The following ATP6V1C2 variants were observed in gnomAD, a reference collection of about 807,000 sequenced individuals.
The protein encoded by ATP6V1C2 is ATPase H+ transporting V1 subunit C2.
A neutral mutation model predicts 56.8 loss-of-function variants in ATP6V1C2; 45 were observed. The observed-to-expected ratio is 0.79, with a 90% CI of 0.62 to 1.02. ATP6V1C2 has a LOEUF of 1.02. Among genes scored for constraint, ATP6V1C2 ranks in the 50% least tolerant of loss-of-function variants. The probability of loss-of-function intolerance (pLI) is 0.00; values close to 1 mark genes in which losing one functional copy is unlikely to be tolerated. For synonymous variants in ATP6V1C2, 220 were observed against 201.3 expected (o/e 1.09, Z -0.79); for missense variants, 463 against 519.7 (o/e 0.89, Z 1.06).
At chr2:10,766,584 T>A (rs1268894974) in intron 5 of ATP6V1C2, among the ~76,000 whole-genome samples, 3 of 152,090 alleles carry the variant, frequency 2.0e-5, no homozygotes, top group African/African-American at 7.2e-5. Flanking sequence ...TTTTTTTTCG[T>A]TTTTTTGTTT....
chr2:10,723,922 C>T (rs555994529), intron 2 of ATP6V1C2, among the ~76,000 whole-genome samples: 1 of 151,418 alleles, frequency 6.6e-6, no homozygotes, highest in Non-Finnish European at 1.5e-5. Flanking sequence ...CCACCATGCC[C>T]GGCTAATTTT....
chr2:10,781,856 A>C (rs928340851), intron 12 of ATP6V1C2, among the ~76,000 whole-genome samples: 2 of 152,242 alleles, frequency 1.3e-5, no homozygotes, highest in Admixed American at 6.5e-5. Context: ...AAATAGTAAC[A>C]ATCTTGATAA....
intron 1 of ATP6V1C2, among the ~76,000 whole-genome samples, chr2:10,722,607 A>T (rs1305044750): frequency 6.6e-6 from 1 of 152,064 alleles, no homozygotes; most frequent in African/African-American, 2.4e-5. Context: ...GCTCCTGAAA[A>T]CCAGCCAGAA....
At chr2:10,747,701 CAAAA>C (rs34222737) in intron 3 of ATP6V1C2, among the ~76,000 whole-genome samples, 1 of 142,888 alleles carries the variant, frequency 7.0e-6, no homozygotes, top group Non-Finnish European at 1.5e-5. Context: ...CTCTTTGAAA[CAAAA>C]AAAAAAAGCA....
chr2:10,771,805 A>G, intron 6 of ATP6V1C2, 34 bp from the exon 7 acceptor site: 3 of 1,562,870 alleles, frequency 1.9e-6, no homozygotes, highest in South Asian at 1.1e-5. Flanking sequence ...TTCTGCTCAC[A>G]TCTTTCACAC....
At chr2:10,731,437 A>G (rs1355368835) in intron 3 of ATP6V1C2, among the ~76,000 whole-genome samples, 1 of 152,242 alleles carries the variant, frequency 6.6e-6, no homozygotes, top group Non-Finnish European at 1.5e-5. Flanking sequence ...CTCCCTTCTT[A>G]GGCTTCTCTG....
chr2:10,724,589 C>G (rs970591684), intron 2 of ATP6V1C2, among the ~76,000 whole-genome samples: 1 of 152,006 alleles, frequency 6.6e-6, no homozygotes, highest in African/African-American at 2.4e-5. Flanking sequence ...GACACAGCCC[C>G]TGCAGAAGTT....
intron 4 of ATP6V1C2, among the ~76,000 whole-genome samples, chr2:10,754,542 ATTTTCTTTTCTTTTC>A (rs141329846): frequency 0.75 from 109,319 of 145,016 alleles, 41,329 homozygotes; most frequent in South Asian, 0.77. Context: ...TATTATGATA[ATTTTCTTTTCTTTTC>A]TTTTCTTTTC....
chr2:10,723,731 C>T (rs1003317270), intron 2 of ATP6V1C2, among the ~76,000 whole-genome samples: 1 of 149,216 alleles, frequency 6.7e-6, no homozygotes, highest in African/African-American at 2.5e-5. Context: ...CCTAGCTACT[C>T]GGGAGGCTGA....
intron 11 of ATP6V1C2, 67 bp from the exon 12 acceptor site, chr2:10,778,505 G>C (rs1665142606): frequency 1.3e-6 from 2 of 1,488,932 alleles, no homozygotes; most frequent in Non-Finnish European, 1.9e-6. Context: ...CAAAACCCAA[G>C]TCCTTTCTTG....
chr2:10,774,895 G>C lies in ATP6V1C2; in HGVS notation c.731+15G>C, dbSNP rs778685738. 7 of 1,613,880 alleles carry C rather than the reference G, an allele frequency of 4.3e-6. No individual in the cohort carries two copies. In the East Asian group the frequency reaches 1.3e-4, roughly 31 times the overall value. ...AAAGAAAACAAGTAAGGGTCCTCCA[G>C]GTTTGGTTCATCTCCCGCTGCGGGG... On this transcript the variant is annotated intron_variant, in intron 9 of 13. Coordinates refer to ENST00000272238, the MANE Select transcript of ATP6V1C2 (RefSeq NM_001039362.2).
chr2:10,727,102 CT>C (rs1425961595), intron 3 of ATP6V1C2, among the ~76,000 whole-genome samples: 5 of 140,030 alleles, frequency 3.6e-5, no homozygotes, highest in Admixed American at 2.1e-4. Context: ...CAGAGTCTCA[CT>C]CTGTTGCCCA....
chr2:10,778,743 C>A (rs1184290412), intron 12 of ATP6V1C2, 74 bp downstream of exon 12: 1 of 1,380,306 alleles, frequency 7.2e-7, no homozygotes, highest in Non-Finnish European at 1.0e-6. Context: ...CGGGGCACCC[C>A]AGCTCCTGCC....
chr2:10,781,519 G>C (rs1473662316), intron 12 of ATP6V1C2, among the ~76,000 whole-genome samples: 1 of 152,060 alleles, frequency 6.6e-6, no homozygotes, highest in East Asian at 1.9e-4. Flanking sequence ...AATATTAATA[G>C]GTCCTGCTCC....
Position 10,785,086 on chromosome 2 carries a change from G to C in ATP6V1C2, c.*1823G>C. On this transcript the variant is annotated 3_prime_UTR_variant, in exon 14 of 14. Coordinates refer to ENST00000272238, the MANE Select transcript of ATP6V1C2 (RefSeq NM_001039362.2). The stretch of plus-strand genomic sequence containing the variant: ...ACATTTACAATGGACTGCTGGTGCA[G>C]AAGAATAAACAACTTTAAAAATAAC... 1 of 1,200,410 alleles carries C rather than the reference G, an allele frequency of 8.3e-7. No individual in the cohort carries two copies. Among genetic ancestry groups the C allele is most frequent in the African/African-American group, 1.5e-5 (1 of 66,262 alleles). 74.4% of individuals were successfully genotyped at this position (1,200,410 alleles called of 1,614,324 possible).
At chr2:10,757,555 G>A in intron 4 of ATP6V1C2, 2 of 398,206 alleles carry the variant, frequency 5.0e-6, no homozygotes, top group Non-Finnish European at 8.9e-6. Context: ...CAGTGATCAA[G>A]TTACCACGAT....
chr2:10,761,533 A>G (rs1364111000), intron 4 of ATP6V1C2, among the ~76,000 whole-genome samples: 2 of 152,196 alleles, frequency 1.3e-5, no homozygotes, highest in Non-Finnish European at 2.9e-5. Flanking sequence ...CTGTATTAAT[A>G]CCCAAACTAA....
chr2:10,741,338 A>G (rs1019904474), intron 3 of ATP6V1C2, among the ~76,000 whole-genome samples: 1 of 152,362 alleles, frequency 6.6e-6, no homozygotes, highest in Middle Eastern at 3.4e-3. Flanking sequence ...GCTGCAGGGC[A>G]TGACGATTTC....
intron 3 of ATP6V1C2, among the ~76,000 whole-genome samples, chr2:10,726,947 C>T (rs1401887927): frequency 6.6e-6 from 1 of 152,146 alleles, no homozygotes; most frequent in Admixed American, 6.6e-5. Flanking sequence ...GGCAGTGGCT[C>T]ACACCTGTAA....
Sources: gnomAD v4.1 joint callset for allele counts (sites outside exome capture counted in the v4.1 genomes callset) on GRCh38, gnomAD v4.1.1 for gene constraint, MANE v1.5 for transcripts, NCBI Gene and HGNC (gene_info 2026-07-23, HGNC 2026-07-21) for gene names.